The following RANBP17 variants were observed in gnomAD, a reference collection of about 807,000 sequenced individuals.
RANBP17 encodes the protein ran-binding protein 17.
A neutral mutation model predicts 141.2 loss-of-function variants in RANBP17; 158 were observed. The ratio of observed to expected loss-of-function variants is 1.12; its 90% CI spans 0.98 to 1.28. The LOEUF (loss-of-function observed/expected upper bound fraction) is 1.28, where lower values mean the gene tolerates loss of function less well. RANBP17 is among the 50% of genes most tolerant of loss of function. RANBP17 has a pLI of 0.00. For synonymous variants in RANBP17, 430 were observed against 450.0 expected (o/e 0.96, Z 0.56); for missense variants, 1,438 against 1,290.7 (o/e 1.11, Z -1.75).
chr5:171,294,977 A>C (rs1768728747), intron 26 of RANBP17, among the ~76,000 whole-genome samples: 1 of 152,244 alleles, frequency 6.6e-6, no homozygotes, highest in Admixed American at 6.5e-5. Context: ...AGTTTTGTGC[A>C]TTCCCAATCT....
intron 14 of RANBP17, among the ~76,000 whole-genome samples, chr5:171,168,875 C>G (rs767948283): frequency 2.0e-5 from 3 of 151,898 alleles, no homozygotes; most frequent in East Asian, 1.9e-4. Flanking sequence ...TCTTCCCCAG[C>G]TTCTGCTCTC....
intron 14 of RANBP17, among the ~76,000 whole-genome samples, chr5:171,037,636 T>C (rs1435904048): frequency 1.3e-5 from 2 of 152,126 alleles, no homozygotes; most frequent in East Asian, 3.8e-4. Flanking sequence ...CAGCTACATA[T>C]AGCTAGCCAA....
intron 14 of RANBP17, among the ~76,000 whole-genome samples, chr5:171,099,709 T>C (rs1786991357): frequency 6.6e-6 from 1 of 152,222 alleles, no homozygotes; most frequent in African/African-American, 2.4e-5. Context: ...TTCCAGTTTT[T>C]GCCCATTCAG....
chr5:171,062,826 T>G (rs1426504488), intron 14 of RANBP17, among the ~76,000 whole-genome samples: 1 of 152,212 alleles, frequency 6.6e-6, no homozygotes. Context: ...TCTTTTCACA[T>G]AGTCCCATAT....
At chr5:170,919,010 A>T in intron 10 of RANBP17, 151 bp downstream of exon 10, 1 of 419,722 alleles carries the variant, frequency 2.4e-6, no homozygotes, top group Non-Finnish European at 4.1e-6. Flanking sequence ...AAATTCATTG[A>T]AATGTATATA....
intron 14 of RANBP17, among the ~76,000 whole-genome samples, chr5:171,020,400 C>CT (rs1780763991): frequency 6.6e-6 from 1 of 152,162 alleles, no homozygotes; most frequent in African/African-American, 2.4e-5. Context: ...GTGTGGGAGT[C>CT]TAAGTCTCTT....
chr5:171,048,598 C>G (rs61612661), intron 14 of RANBP17, among the ~76,000 whole-genome samples: 32 of 152,096 alleles, frequency 2.1e-4, no homozygotes, highest in African/African-American at 7.2e-4. Context: ...CCATAGTACT[C>G]GATAGGTAGT....
intron 13 of RANBP17, among the ~76,000 whole-genome samples, chr5:170,954,117 T>C (rs1775419664): frequency 6.6e-6 from 1 of 152,226 alleles, no homozygotes; most frequent in South Asian, 2.1e-4. Context: ...TGAATTATTC[T>C]CTTCAAGTTT....
chr5:171,244,639 G>A (rs1483637028), intron 24 of RANBP17, among the ~76,000 whole-genome samples: 1 of 151,940 alleles, frequency 6.6e-6, no homozygotes, highest in Non-Finnish European at 1.5e-5. Flanking sequence ...TAGAGATAGG[G>A]TTTTGCCATG....
At chr5:171,109,799 A>G (rs34332471) in intron 14 of RANBP17, among the ~76,000 whole-genome samples, 1 of 152,214 alleles carries the variant, frequency 6.6e-6, no homozygotes, top group African/African-American at 2.4e-5. Flanking sequence ...GTCCAACTGT[A>G]TAGTGAGAAA....
At chr5:171,095,776 A>G (rs1171486115) in intron 14 of RANBP17, among the ~76,000 whole-genome samples, 3 of 152,130 alleles carry the variant, frequency 2.0e-5, no homozygotes, top group African/African-American at 7.2e-5. Context: ...ACACACCCAC[A>G]CAGTCAAAAA....
rs958871102 is a variant in RANBP17, at chr5:171,127,188, G to A, written c.1711-42942G>A. Among the ~76,000 whole-genome samples the A allele has an allele frequency of 2.6e-5, 4 of 152,312 alleles. No individual in the cohort carries two copies. The South Asian group carries it at 6.2e-4, about 24-fold the overall frequency. ...GTTCATCATATGTAAATAAATGAAC[G>A]TGATACATCACATCAACAGAATGAA... On this transcript the variant is annotated intron_variant, in intron 14 of 27. Coordinates refer to ENST00000523189, the MANE Select transcript of RANBP17 (RefSeq NM_022897.5).
chr5:171,256,604 A>G (rs1323698752), intron 24 of RANBP17, among the ~76,000 whole-genome samples: 1 of 152,174 alleles, frequency 6.6e-6, no homozygotes, highest in Non-Finnish European at 1.5e-5. Context: ...AGAAATAAAA[A>G]ATACAAAGGA....
At chr5:171,113,835 T>C (rs1271454277) in intron 14 of RANBP17, among the ~76,000 whole-genome samples, 1 of 152,172 alleles carries the variant, frequency 6.6e-6, no homozygotes, top group African/African-American at 2.4e-5. Flanking sequence ...GAATAATATT[T>C]ACCTTTTTCA....
intron 12 of RANBP17, among the ~76,000 whole-genome samples, chr5:170,926,217 A>C (rs148271345): frequency 2.6e-5 from 4 of 152,284 alleles, no homozygotes; most frequent in African/African-American, 9.6e-5. Flanking sequence ...GCAGCCGTAG[A>C]CCATACTCGT....
intron 14 of RANBP17, among the ~76,000 whole-genome samples, chr5:171,001,830 T>C (rs1779219794): frequency 6.6e-6 from 1 of 152,188 alleles, no homozygotes; most frequent in East Asian, 1.9e-4. Flanking sequence ...ACCGAGGAAT[T>C]ACGTCTGACA....
chr5:170,883,393 T>C (rs1370997070), intron 3 of RANBP17, among the ~76,000 whole-genome samples: 1 of 152,216 alleles, frequency 6.6e-6, no homozygotes, highest in Non-Finnish European at 1.5e-5. Flanking sequence ...ATCAACATCC[T>C]GCACCAAAGT....
chr5:171,209,371 G>T (rs1302294113), intron 20 of RANBP17, among the ~76,000 whole-genome samples: 1 of 152,128 alleles, frequency 6.6e-6, no homozygotes, highest in Non-Finnish European at 1.5e-5. Flanking sequence ...AGAAACTAAT[G>T]GTTTTGATTG....
At chr5:171,047,985 A>T (rs531657594) in intron 14 of RANBP17, among the ~76,000 whole-genome samples, 1 of 152,284 alleles carries the variant, frequency 6.6e-6, no homozygotes, top group South Asian at 2.1e-4. Flanking sequence ...CCTAAAAGTG[A>T]TAGAATTTTA....
Sources: gnomAD v4.1 joint callset for allele counts (sites outside exome capture counted in the v4.1 genomes callset) on GRCh38, gnomAD v4.1.1 for gene constraint, MANE v1.5 for transcripts, NCBI Gene and HGNC (gene_info 2026-07-23, HGNC 2026-07-21) for gene names.